The following DLG2 variants were observed in gnomAD, a reference collection of about 807,000 sequenced individuals.
The protein encoded by DLG2 is disks large homolog 2.
In DLG2, 45 loss-of-function variants were observed where a neutral mutation model predicts 132.5. That is an observed-to-expected ratio of 0.34 (90% confidence interval 0.27 to 0.44). The LOEUF is 0.44. Among genes scored for constraint, DLG2 ranks in the 20% least tolerant of loss-of-function variants. DLG2 has a pLI of 1.00. For synonymous variants in DLG2, 424 were observed against 419.6 expected, an observed-to-expected ratio of 1.01 and a Z score of -0.13; for missense variants, 1,045 against 1,196.9, an observed-to-expected ratio of 0.87 and a Z score of 1.87.
chr11:84,482,014 A>C (rs994375367), intron 7 of DLG2, among the ~76,000 whole-genome samples: 2 of 152,190 alleles, frequency 1.3e-5, no homozygotes, highest in Non-Finnish European at 2.9e-5. Context: ...CATTGCATTA[A>C]ATTATCTATT....
chr11:84,331,894 G>A (rs1418773273), intron 7 of DLG2, among the ~76,000 whole-genome samples: 10 of 152,176 alleles, frequency 6.6e-5, no homozygotes. Flanking sequence ...AAAAATTGGT[G>A]TTGGGTCCGA....
intron 2 of DLG2, among the ~76,000 whole-genome samples, chr11:85,603,027 G>GT (rs2080279317): frequency 1.3e-5 from 2 of 152,162 alleles, no homozygotes; most frequent in South Asian, 4.1e-4. Context: ...AGGACATTGC[G>GT]TAACTACTCC....
chr11:85,396,174 G>C (rs1166330753), intron 3 of DLG2, among the ~76,000 whole-genome samples: 2 of 152,186 alleles, frequency 1.3e-5, no homozygotes, highest in African/African-American at 4.8e-5. Context: ...ACCTGCAGCT[G>C]AGGGGTCTGA....
intron 3 of DLG2, among the ~76,000 whole-genome samples, chr11:85,523,672 G>A (rs895355814): frequency 6.6e-6 from 1 of 152,182 alleles, no homozygotes; most frequent in African/African-American, 2.4e-5. Flanking sequence ...GCAGTTTGGA[G>A]ATTCCTCAAG....
At chr11:84,183,417 T>C (rs751864503) in intron 8 of DLG2, among the ~76,000 whole-genome samples, 4 of 152,108 alleles carry the variant, frequency 2.6e-5, no homozygotes, top group Non-Finnish European at 4.4e-5. Context: ...GGAGGAGGTG[T>C]ATGGGAACCC....
intron 9 of DLG2, among the ~76,000 whole-genome samples, chr11:84,158,589 A>C (rs2095480853): frequency 1.3e-5 from 2 of 152,200 alleles, no homozygotes; most frequent in African/African-American, 4.8e-5. Flanking sequence ...CCTAATATGT[A>C]AAATGGAGTT....
At chr11:85,608,629 A>G (rs2080762568) in intron 2 of DLG2, among the ~76,000 whole-genome samples, 2 of 152,072 alleles carry the variant, frequency 1.3e-5, no homozygotes, top group Admixed American at 1.3e-4. Context: ...GAAGGAAATA[A>G]GCAAAGAAAT....
intron 7 of DLG2, among the ~76,000 whole-genome samples, chr11:84,388,084 T>C (rs2098778142): frequency 6.6e-6 from 1 of 152,196 alleles, no homozygotes; most frequent in Non-Finnish European, 1.5e-5. Context: ...TGCACCATTA[T>C]AGGTGCAACC....
intron 19 of DLG2, among the ~76,000 whole-genome samples, chr11:83,589,946 C>G (rs1359519896): frequency 9.0e-5 from 13 of 144,264 alleles, no homozygotes; most frequent in Admixed American, 1.4e-4. Flanking sequence ...GCTAACTATC[C>G]TAAATATATA....
chr11:84,090,308 C>T (rs896344237), intron 10 of DLG2, among the ~76,000 whole-genome samples: 2 of 148,962 alleles, frequency 1.3e-5, no homozygotes, highest in African/African-American at 2.5e-5. Context: ...CAGCTACTCA[C>T]GAGGCTGAGG....
At chr11:83,710,071 A>C (rs534154430) in intron 18 of DLG2, among the ~76,000 whole-genome samples, 5 of 152,140 alleles carry the variant, frequency 3.3e-5, no homozygotes, top group Admixed American at 6.5e-5. Flanking sequence ...AAAACAAAGG[A>C]GAGAGGAATA....
intron 6 of DLG2, among the ~76,000 whole-genome samples, chr11:84,572,889 G>C (rs1034775789): frequency 1.3e-5 from 2 of 152,016 alleles, no homozygotes; most frequent in African/African-American, 4.8e-5. Context: ...CATGGGATTT[G>C]GGAACCAAGA....
intron 14 of DLG2, among the ~76,000 whole-genome samples, chr11:83,949,698 T>C (rs1449987504): frequency 6.6e-6 from 1 of 152,172 alleles, no homozygotes; most frequent in Non-Finnish European, 1.5e-5. Context: ...CATTTACTCA[T>C]CCTGCATAAC....
At chr11:84,875,700 AC>A (rs2086236854) in intron 6 of DLG2, among the ~76,000 whole-genome samples, 1 of 152,132 alleles carries the variant, frequency 6.6e-6, no homozygotes, top group African/African-American at 2.4e-5. Flanking sequence ...AAGAGGAGCA[AC>A]TGGACCTCAA....
chr11:84,011,830 C>T (rs559970178), intron 11 of DLG2, among the ~76,000 whole-genome samples: 1 of 152,144 alleles, frequency 6.6e-6, no homozygotes, highest in South Asian at 2.1e-4. Context: ...CCCTTTAGTG[C>T]TAATGTTTTC....
intron 25 of DLG2, among the ~76,000 whole-genome samples, chr11:83,468,210 C>T (rs1343266631): frequency 6.6e-6 from 1 of 152,082 alleles, no homozygotes; most frequent in Non-Finnish European, 1.5e-5. Flanking sequence ...AAAATGAATA[C>T]AGTCCAGTGA....
rs184625835 is a variant in DLG2, at chr11:85,560,566, G to A, written c.40+38091C>T. ...ACAAACAGAAAGTAAATCAGTTGTG[G>A]GCTGGGGCTGGAAGTGAGGATCTTT... On this transcript the variant is annotated intron_variant, in intron 3 of 27. Coordinates refer to ENST00000376104, the MANE Select transcript of DLG2 (RefSeq NM_001142699.3). 1.1e-3 allele frequency among the ~76,000 whole-genome samples: 167 copies of A among 151,950 alleles called. 1 individual carries two copies. The highest frequency in any genetic ancestry group is 3.9e-3 in the African/African-American group (162 of 41,512).
intron 6 of DLG2, among the ~76,000 whole-genome samples, chr11:84,696,837 A>G (rs1457609403): frequency 1.3e-5 from 2 of 151,548 alleles, no homozygotes; most frequent in Admixed American, 6.6e-5. Flanking sequence ...ATTGGTAAGT[A>G]AATCTGTAAA....
At chr11:84,235,826 T>C (rs1239538615) in intron 8 of DLG2, among the ~76,000 whole-genome samples, 1 of 152,158 alleles carries the variant, frequency 6.6e-6, no homozygotes, top group Non-Finnish European at 1.5e-5. Flanking sequence ...TGTGTGACCT[T>C]GGATAAGTTA....
Sources: gnomAD v4.1 joint callset for allele counts (sites outside exome capture counted in the v4.1 genomes callset) on GRCh38, gnomAD v4.1.1 for gene constraint, MANE v1.5 for transcripts, NCBI Gene and HGNC (gene_info 2026-07-23, HGNC 2026-07-21) for gene names.